FRMPD4: variants seen among roughly 807,000 people sequenced by gnomAD.
FRMPD4 encodes FERM and PDZ domain-containing protein 4.
In FRMPD4, 22 loss-of-function variants were observed where a neutral mutation model predicts 94.1. That is an observed-to-expected ratio of 0.23 (90% confidence interval 0.17 to 0.33). The LOEUF is 0.33. Ranked by LOEUF, FRMPD4 falls within the 10% of genes least tolerant of loss-of-function variation. The probability of loss-of-function intolerance (pLI) is 1.00; values close to 1 mark genes in which losing one functional copy is unlikely to be tolerated. For missense variants in FRMPD4, 1,111 were observed against 1,339.9 expected (o/e 0.83, Z 2.67); for synonymous variants, 631 against 548.6 (o/e 1.15, Z -2.10).
At chrX:11,957,439 C>T (rs1454921362) in intron 3 of FRMPD4, among the ~76,000 whole-genome samples, 2 of 111,120 alleles carry the variant, frequency 1.8e-5, no homozygotes, top group Admixed American at 1.9e-4. Flanking sequence ...GTGGCATATG[C>T]CTATAGTCCC....
At chrX:12,659,588 C>T (rs1465826415) in intron 4 of FRMPD4, among the ~76,000 whole-genome samples, 1 of 112,460 alleles carries the variant, frequency 8.9e-6, no homozygotes, top group Non-Finnish European at 1.9e-5. Context: ...TCAGACATTG[C>T]CAAATATCCC....
rs1989860 is a variant in FRMPD4 at position 12,013,181 on chromosome X, T to C, written c.95+135163T>C. On this transcript the variant is annotated intron_variant, in intron 3 of 18. Transcript: ENST00000640291. ...CAAAAAAATTAACTCTCTACTTCTT[T>C]ACAATCACAAGCTTAGCATTGTATT... Among the ~76,000 whole-genome samples the C allele has an allele frequency of 7.9e-3, 883 of 112,029 alleles. 18 individuals carry two copies. Among genetic ancestry groups the C allele is most frequent in the Admixed American group, 0.054 (571 of 10,599 alleles).
chrX:12,619,938 G>C (rs1198227652), intron 4 of FRMPD4, among the ~76,000 whole-genome samples: 1 of 112,380 alleles, frequency 8.9e-6, no homozygotes, highest in African/African-American at 3.2e-5. Context: ...CCCACCCAGG[G>C]ACACCCTGTG....
intron 3 of FRMPD4, among the ~76,000 whole-genome samples, chrX:12,106,336 C>A (rs1164897414): frequency 1.8e-5 from 2 of 111,838 alleles, no homozygotes; most frequent in African/African-American, 6.5e-5. Context: ...AACTGCTCAA[C>A]TGCCAGATTC....
chrX:12,218,386 G>T (rs1048432861), intron 1 of FRMPD4, among the ~76,000 whole-genome samples: 3 of 111,807 alleles, frequency 2.7e-5, no homozygotes, highest in Non-Finnish European at 3.8e-5. Context: ...GGGCTTGGGG[G>T]TGGTAGGAGT....
At chrX:12,045,895 G>T (rs906911565) in intron 3 of FRMPD4, among the ~76,000 whole-genome samples, 1 of 111,533 alleles carries the variant, frequency 9.0e-6, no homozygotes, top group Non-Finnish European at 1.9e-5. Context: ...ACAGATGGGG[G>T]TATTTTCAGA....
At chrX:12,495,080 T>A (rs1257546557) in intron 1 of FRMPD4, 3 of 546,932 alleles carry the variant, frequency 5.5e-6, no homozygotes, top group Non-Finnish European at 6.6e-6. Context: ...GTAAAAAACT[T>A]TCTGATGTTT....
At chrX:12,065,644 T>TTTTGG in intron 3 of FRMPD4, among the ~76,000 whole-genome samples, 1 of 112,113 alleles carries the variant, frequency 8.9e-6, no homozygotes, top group South Asian at 3.8e-4. Flanking sequence ...TTGTTTCTGC[T>TTTTGG]TTTGGTTTGG....
chrX:11,978,342 A>T (rs923064996), intron 3 of FRMPD4, among the ~76,000 whole-genome samples: 4 of 106,224 alleles, frequency 3.8e-5, no homozygotes, highest in African/African-American at 1.4e-4. Context: ...AAAAAAAAAA[A>T]AAAAAAAGTT....
chrX:11,890,806 T>C (rs1378625182), intron 3 of FRMPD4, among the ~76,000 whole-genome samples: 1 of 111,381 alleles, frequency 9.0e-6, no homozygotes, highest in African/African-American at 3.3e-5. Flanking sequence ...GGTGAAGGAG[T>C]CTAAATGTTT....
intron 3 of FRMPD4, among the ~76,000 whole-genome samples, chrX:12,061,422 C>T (rs1213153988): frequency 9.0e-6 from 1 of 111,604 alleles, no homozygotes; most frequent in East Asian, 2.8e-4. Context: ...ATAATCAGCT[C>T]AAAATAATTC....
At chrX:12,610,724 G>A (rs1325241847) in intron 3 of FRMPD4, among the ~76,000 whole-genome samples, 4 of 99,435 alleles carry the variant, frequency 4.0e-5, no homozygotes. Context: ...CTCCAGCCTG[G>A]GCAACAGAGT....
intron 1 of FRMPD4, among the ~76,000 whole-genome samples, chrX:12,224,401 C>T (rs1315556967): frequency 9.1e-6 from 1 of 109,901 alleles, no homozygotes; most frequent in Non-Finnish European, 1.9e-5. Flanking sequence ...AATCGCACGC[C>T]ACCACACCCA....
At chrX:12,237,783 C>G (rs1445993889) in intron 1 of FRMPD4, among the ~76,000 whole-genome samples, 1 of 112,426 alleles carries the variant, frequency 8.9e-6, no homozygotes, top group Non-Finnish European at 1.9e-5. Context: ...GATCAGAAAA[C>G]TAAAATGTAT....
chrX:12,182,526 A>G (rs998950187), intron 1 of FRMPD4, among the ~76,000 whole-genome samples: 5 of 109,410 alleles, frequency 4.6e-5, no homozygotes, highest in African/African-American at 1.7e-4. Flanking sequence ...CCCACCTTCT[A>G]TCTAAAACTT....
chrX:12,330,990 T>G (rs756542416), intron 1 of FRMPD4, among the ~76,000 whole-genome samples: 33 of 111,660 alleles, frequency 3.0e-4, no homozygotes, highest in Admixed American at 6.7e-4. Context: ...TTTTAGACTT[T>G]ACAAGCCATA....
chrX:11,930,772 A>T (rs753039306), intron 3 of FRMPD4, among the ~76,000 whole-genome samples: 4 of 111,706 alleles, frequency 3.6e-5, no homozygotes, highest in Non-Finnish European at 7.5e-5. Context: ...AGGGGAGGCA[A>T]TTTGATAATC....
chrX:12,410,783 T>C (rs933159659), intron 1 of FRMPD4, among the ~76,000 whole-genome samples: 37 of 111,715 alleles, frequency 3.3e-4, no homozygotes, highest in African/African-American at 1.2e-3. Flanking sequence ...GTTCCTTCCT[T>C]ATTACCTTTA....
At chrX:12,202,911 AG>A (rs771979414) in intron 1 of FRMPD4, among the ~76,000 whole-genome samples, 2 of 112,072 alleles carry the variant, frequency 1.8e-5, no homozygotes, top group Non-Finnish European at 3.8e-5. Flanking sequence ...GGAAGAGGCA[AG>A]GAAGGATTAT....
Sources: gnomAD v4.1 joint callset for allele counts (sites outside exome capture counted in the v4.1 genomes callset) on GRCh38, gnomAD v4.1.1 for gene constraint, MANE v1.5 for transcripts, NCBI Gene and HGNC (gene_info 2026-07-23, HGNC 2026-07-21) for gene names.